NUAK1: variants seen among roughly 807,000 people sequenced by gnomAD.
NUAK1 encodes the protein NUAK family kinase 1.
In NUAK1, 26 loss-of-function variants were observed where a neutral mutation model predicts 56.9. That is an observed-to-expected ratio of 0.46 (90% CI 0.33 to 0.63). NUAK1 has a LOEUF of 0.63. Ranked by LOEUF, NUAK1 falls within the 30% of genes least tolerant of loss-of-function variation. The probability of loss-of-function intolerance (pLI) is 0.02; values close to 1 mark genes in which losing one functional copy is unlikely to be tolerated. For synonymous variants in NUAK1, 337 were observed against 336.0 expected, an observed-to-expected ratio of 1.00 and a Z score of -0.03; for missense variants, 727 against 876.1, an observed-to-expected ratio of 0.83 and a Z score of 2.15.
chr12:106,071,396 G>A (rs749011281), intron 5 of NUAK1, among the ~76,000 whole-genome samples: 1 of 152,168 alleles, frequency 6.6e-6, no homozygotes, highest in Non-Finnish European at 1.5e-5. Context: ...AATCTTAACA[G>A]ATATACACAA....
intron 2 of NUAK1, among the ~76,000 whole-genome samples, chr12:106,096,704 C>T (rs932400196): frequency 2.0e-5 from 3 of 152,176 alleles, no homozygotes; most frequent in South Asian, 2.1e-4. Context: ...AACCCAAGCC[C>T]GAAGGTATCA....
chr12:106,067,427 A>G lies in NUAK1; in HGVS notation c.1361T>C (p.Leu454Pro), dbSNP rs1197452411. ...CATCGTGGCCGACTGCTTGGGGCTGAGTTTTCCCGGCACCTCTGCCTCTGG... is the reference window on the plus strand; with the variant it reads ...CATCGTGGCCGACTGCTTGGGGCTGGGTTTTCCCGGCACCTCTGCCTCTGG... The part of the protein sequence containing the change: ...SSPEAEVPGK[L>P]SPKQSATMPK... Residue 454 changes from leucine to proline, a missense_variant, in exon 7 of 7, where the codon CTC (leucine) becomes CCC (proline). Transcript: ENST00000261402. This position sits in a 1 kb window ranked among gnomAD's most constrained non-coding sequence, Gnocchi z 6.0. 1.2e-6 allele frequency: 2 copies of G among 1,614,102 alleles called. No homozygotes were observed. Among genetic ancestry groups the G allele is most frequent in the African/African-American group, 1.3e-5 (1 of 75,000 alleles).
At chr12:106,094,746 G>A (rs1447119535) in intron 2 of NUAK1, among the ~76,000 whole-genome samples, 2 of 152,192 alleles carry the variant, frequency 1.3e-5, no homozygotes, top group Admixed American at 6.5e-5. Context: ...TGGACTCCAC[G>A]GAAGGCAGAA....
At chr12:106,123,487 A>C (rs1382380864) in intron 1 of NUAK1, among the ~76,000 whole-genome samples, 1 of 152,202 alleles carries the variant, frequency 6.6e-6, no homozygotes, top group African/African-American at 2.4e-5. Flanking sequence ...CCCATATTAG[A>C]CAGTGCAGGT....
chr12:106,073,093 G>A (rs991125504), intron 4 of NUAK1, among the ~76,000 whole-genome samples: 10 of 152,182 alleles, frequency 6.6e-5, no homozygotes, highest in African/African-American at 2.4e-4. Flanking sequence ...TACAAGCTCT[G>A]CAACTTACTT....
intron 4 of NUAK1, among the ~76,000 whole-genome samples, chr12:106,074,415 A>G (rs947700567): frequency 6.6e-6 from 1 of 152,164 alleles, no homozygotes; most frequent in Non-Finnish European, 1.5e-5. Flanking sequence ...TGTTATGTCC[A>G]CTTTACCACA....
chr12:106,092,120 T>C (rs1051665376), intron 2 of NUAK1, among the ~76,000 whole-genome samples: 4 of 152,138 alleles, frequency 2.6e-5, no homozygotes, highest in Non-Finnish European at 5.9e-5. Context: ...ACCCCTGCCA[T>C]GCCCTCTTTC....
chr12:106,077,600 T>C (rs966341285), intron 4 of NUAK1, among the ~76,000 whole-genome samples: 1 of 152,032 alleles, frequency 6.6e-6, no homozygotes, highest in Non-Finnish European at 1.5e-5. Flanking sequence ...AGCACTTGAG[T>C]TCAAATCTCA....
At chr12:106,079,458 C>T (rs1592849947) in intron 4 of NUAK1, among the ~76,000 whole-genome samples, 2 of 152,158 alleles carry the variant, frequency 1.3e-5, no homozygotes, top group South Asian at 4.2e-4. Context: ...CCATTTGGCC[C>T]TGCCAAGGGA....
At chr12:106,068,057 G>T in intron 6 of NUAK1, 102 bp from the exon 7 acceptor site, 3 of 1,146,384 alleles carry the variant, frequency 2.6e-6, no homozygotes, top group Non-Finnish European at 2.4e-6. Flanking sequence ...ACTCCCTCTA[G>T]GACAAATCCA....
chr12:106,133,041 A>G (rs2033094709), intron 1 of NUAK1, among the ~76,000 whole-genome samples: 1 of 152,236 alleles, frequency 6.6e-6, no homozygotes, highest in Non-Finnish European at 1.5e-5. Context: ...ATCAGTTAAC[A>G]TGCACCTAGC....
At chr12:106,082,917 A>T (rs1565920266) in intron 4 of NUAK1, among the ~76,000 whole-genome samples, 1 of 152,188 alleles carries the variant, frequency 6.6e-6, no homozygotes, top group Non-Finnish European at 1.5e-5. Flanking sequence ...ACCAGCGGCC[A>T]ATTGGAGGGC....
chr12:106,087,133 C>T (rs1360954226), intron 2 of NUAK1, among the ~76,000 whole-genome samples: 1 of 152,200 alleles, frequency 6.6e-6, no homozygotes, highest in Non-Finnish European at 1.5e-5. Flanking sequence ...ATGTGGTTCC[C>T]TTTTCTGAGG....
chr12:106,137,633 G>A lies in NUAK1; in HGVS notation c.240+781C>T, dbSNP rs542454980. Among the ~76,000 whole-genome samples, 14 of 152,348 alleles carry A rather than the reference G, an allele frequency of 9.2e-5. No homozygotes were observed. The East Asian group carries it at 2.7e-3, about 29-fold the overall frequency. ...CTTGGAGCTGTGCAAATGGTGCCAG[G>A]ACCCTGGCAGGGTGTCAGCTGTCAC... On this transcript the variant is annotated intron_variant, in intron 1 of 6. Coordinates refer to ENST00000261402, the MANE Select transcript of NUAK1 (RefSeq NM_014840.3).
chr12:106,109,870 C>CT (rs911092329), intron 1 of NUAK1, among the ~76,000 whole-genome samples: 2 of 152,296 alleles, frequency 1.3e-5, no homozygotes, highest in African/African-American at 4.8e-5. Context: ...AAGTGTCAGT[C>CT]TTTTTTAACC....
Position 106,067,087 on chromosome 12 carries a change from G to A in NUAK1, c.1701C>T (p.Arg567=), listed in dbSNP as rs1359823712. The A allele has an allele frequency of 6.2e-7, 1 of 1,614,250 alleles. No individual in the cohort carries two copies. The highest frequency in any genetic ancestry group is 1.7e-5 in the Admixed American group (1 of 60,034). ...TGTCATCGCTGATGACACTGGAAGGGCGGCTGTAGCTCCGGGAGAGGCCCT... is the reference window on the plus strand; with the variant it reads ...TGTCATCGCTGATGACACTGGAAGGACGGCTGTAGCTCCGGGAGAGGCCCT... ...PAEGLSRSYS[R]PSSVISDDSV... is the part of the protein sequence containing the mutation. The change falls in exon 7 of 7, where the codon CGC becomes CGT. Residue 567 remains arginine, a synonymous_variant. Coordinates refer to ENST00000261402, the MANE Select transcript of NUAK1 (RefSeq NM_014840.3). This position sits in a 1 kb window ranked among gnomAD's most constrained non-coding sequence, Gnocchi z 6.0.
intron 1 of NUAK1, among the ~76,000 whole-genome samples, chr12:106,116,774 C>T (rs1304709222): frequency 6.6e-6 from 1 of 152,204 alleles, no homozygotes; most frequent in Non-Finnish European, 1.5e-5. Flanking sequence ...TTGTCCCCAC[C>T]AGAAGTCCTT....
At chr12:106,108,881 G>C (rs566963208) in intron 1 of NUAK1, among the ~76,000 whole-genome samples, 1 of 152,182 alleles carries the variant, frequency 6.6e-6, no homozygotes, top group Non-Finnish European at 1.5e-5. Context: ...CAATCGCCAG[G>C]GGATGCTTTC....
At chr12:106,089,417 C>T (rs750456397) in intron 2 of NUAK1, among the ~76,000 whole-genome samples, 31 of 152,214 alleles carry the variant, frequency 2.0e-4, no homozygotes, top group Non-Finnish European at 1.2e-4. Context: ...AAACACAATT[C>T]GGTTCAATAC....
Sources: allele counts gnomAD v4.1 joint callset (sites outside exome capture counted in the v4.1 genomes callset), GRCh38; gene constraint gnomAD v4.1.1; non-coding constraint Gnocchi (gnomAD v3.1); transcripts MANE v1.5; gene names NCBI Gene and HGNC (gene_info 2026-07-23, HGNC 2026-07-21).